FHDC1: variants seen among roughly 807,000 people sequenced by gnomAD.
FHDC1 encodes the protein FH2 domain-containing protein 1.
A neutral mutation model predicts 52.6 loss-of-function variants in FHDC1; 25 were observed. The ratio of observed to expected loss-of-function variants is 0.48; its 90% CI spans 0.35 to 0.66. The LOEUF (loss-of-function observed/expected upper bound fraction) is 0.66. Ranked by LOEUF, FHDC1 falls within the 30% of genes least tolerant of loss-of-function variation. The pLI is 0.01. For synonymous variants in FHDC1, 616 were observed against 581.5 expected (o/e 1.06, Z -0.85); for missense variants, 1,459 against 1,452.8 (o/e 1.00, Z -0.07).
chr4:152,941,388 G>A (rs1739568554), intron 1 of FHDC1, among the ~76,000 whole-genome samples: 1 of 152,146 alleles, frequency 6.6e-6, no homozygotes, highest in South Asian at 2.1e-4. Flanking sequence ...AAAATAAAGG[G>A]AAATTATATG....
At chr4:152,944,679 G>A (rs1345357676) in intron 2 of FHDC1, among the ~76,000 whole-genome samples, 2 of 152,186 alleles carry the variant, frequency 1.3e-5, no homozygotes, top group African/African-American at 2.4e-5. Context: ...CCAAGAGTCT[G>A]TTTTTTATGA....
the FHDC1 span, among the ~76,000 whole-genome samples, chr4:152,915,019 ATTAT>A: frequency 3.9e-5 from 6 of 152,172 alleles, no homozygotes; most frequent in Non-Finnish European, 7.4e-5. Flanking sequence ...CTCAAGATAA[ATTAT>A]TTATATATGC....
At chr4:152,931,497 CACACACACACG>C (rs2149929059), upstream of FHDC1, among the ~76,000 whole-genome samples, 1 of 116,974 alleles carries the variant, frequency 8.5e-6, no homozygotes, top group South Asian at 2.8e-4. Context: ...CACACACACA[CACACACACACG>C]AAAAACAAAT....
intron 1 of FHDC1, among the ~76,000 whole-genome samples, chr4:152,942,601 G>A (rs1364767275): frequency 1.3e-5 from 2 of 152,178 alleles, no homozygotes; most frequent in Non-Finnish European, 2.9e-5. Context: ...CAAAGAGAAC[G>A]AACTAGTTAG....
chr4:152,917,834 T>C, the FHDC1 span, among the ~76,000 whole-genome samples: 1 of 152,240 alleles, frequency 6.6e-6, no homozygotes, highest in Non-Finnish European at 1.5e-5. Flanking sequence ...TTCTTTTTTC[T>C]CAAAATTTTG....
At chr4:152,913,739 C>T in the FHDC1 span, among the ~76,000 whole-genome samples, 9 of 152,164 alleles carry the variant, frequency 5.9e-5, no homozygotes, top group East Asian at 1.9e-4. Context: ...GGTGCAATGG[C>T]GCGATCTTGG....
chr4:152,927,941 A>G, the FHDC1 span: 23 of 1,457,244 alleles, frequency 1.6e-5, no homozygotes, highest in Non-Finnish European at 2.2e-5. Context: ...AGAGAGTGAC[A>G]ACAGTGTGAA....
At chr4:152,937,686 G>A (rs1579077153) in intron 1 of FHDC1, among the ~76,000 whole-genome samples, 1 of 151,962 alleles carries the variant, frequency 6.6e-6, no homozygotes, top group East Asian at 1.9e-4. Context: ...GAGCTGGCGC[G>A]GCGCGTGTGG....
In FHDC1 at chr4:152,978,615, G is replaced by A. The variant is rs936744387; in HGVS notation, c.*1892G>A. The stretch of plus-strand genomic sequence containing the variant: ...ACTCCTCTGAGACTAATTGGGAAAC[G>A]GGGAAATTCTTGGAATTTTTTTTTT... On this transcript the variant is annotated 3_prime_UTR_variant, in exon 12 of 12. Transcript: ENST00000511601. 3 of 152,076 alleles carry A rather than the reference G, an allele frequency of 2.0e-5. No individual in the cohort carries two copies. Among genetic ancestry groups the A allele is most frequent in the Admixed American group, 6.5e-5 (1 of 15,272 alleles). 9.4% of individuals were successfully genotyped at this position (152,076 alleles called of 1,614,324 possible).
At position 152,976,327 on chromosome 4, in the gene FHDC1, T is replaced by C; in HGVS notation, c.3036T>C (p.Ser1012=). 1 of 1,612,366 alleles carries C rather than the reference T, an allele frequency of 6.2e-7. No homozygotes were observed. The highest frequency in any genetic ancestry group is 8.5e-7 in the Non-Finnish European group (1 of 1,179,654). The change falls in exon 12 of 12, where the codon AGT becomes AGC. Residue 1012 remains serine (S), a synonymous_variant. Transcript: ENST00000511601. ...GCGCCCACTCCGAGGGCCCTGAGAG[T>C]CCCAAAGAAGAGCCCAAGACCCCGT... ...TCRAHSEGPE[S]PKEEPKTPSV...
upstream of FHDC1, among the ~76,000 whole-genome samples, chr4:152,935,025 C>G (rs1477483680): frequency 2.0e-5 from 3 of 152,172 alleles, no homozygotes; most frequent in Non-Finnish European, 4.4e-5. Flanking sequence ...CTGAGCATGA[C>G]ATTGTCTTTC....
the FHDC1 span, among the ~76,000 whole-genome samples, chr4:152,917,731 T>A: frequency 6.6e-6 from 1 of 152,262 alleles, no homozygotes; most frequent in Non-Finnish European, 1.5e-5. Context: ...GCTGAATGAC[T>A]GGTCAGCTTG....
rs1739621028 is a variant in FHDC1 at position 152,943,140 on chromosome 4, A to G, written c.83A>G (p.Gln28Arg). 1 of 1,613,988 alleles carries G rather than the reference A, an allele frequency of 6.2e-7. No homozygotes were observed. Among genetic ancestry groups the G allele is most frequent in the Non-Finnish European group, 8.5e-7 (1 of 1,180,008 alleles). Reference protein sequence around the residue: ...IATAPGFMIGQTPPPAPPPPP... With the variant: ...IATAPGFMIGRTPPPAPPPPP... ...ACAGCACCTGGATTCATGATTGGGC[A>G]GACACCTCCTCCAGCACCTCCTCCA... The change falls in exon 2 of 12, where the codon CAG (glutamine) becomes CGG (arginine). Residue 28 changes from glutamine (Q) to arginine (R), a missense_variant. Around this residue, in one of 3 missense-constraint regions of FHDC1, gnomAD observed 513 missense variants for 581.5 expected, o/e 0.88. Transcript: ENST00000511601.
At chr4:152,945,015 A>G (rs957629959) in intron 2 of FHDC1, among the ~76,000 whole-genome samples, 3 of 152,218 alleles carry the variant, frequency 2.0e-5, no homozygotes, top group Admixed American at 6.5e-5. Flanking sequence ...ACCCATGTGG[A>G]AATGAGGCCT....
intron 7 of FHDC1, 46 bp from the exon 8 acceptor site, chr4:152,962,977 G>GTGTGTGTGTGTA: frequency 1.3e-6 from 2 of 1,504,370 alleles, no homozygotes; most frequent in Non-Finnish European, 1.8e-6. Context: ...GTGTGTGTGT[G>GTGTGTGTGTGTA]TGTGTATGTA....
At chr4:152,914,239 A>G in the FHDC1 span, among the ~76,000 whole-genome samples, 1 of 152,176 alleles carries the variant, frequency 6.6e-6, no homozygotes, top group Non-Finnish European at 1.5e-5. Flanking sequence ...ATTCAGTTCT[A>G]TGTTCCCACT....
chr4:152,913,241 A>G, the FHDC1 span, among the ~76,000 whole-genome samples: 4 of 152,354 alleles, frequency 2.6e-5, no homozygotes, highest in South Asian at 8.3e-4. Flanking sequence ...TCTCCCCGCA[A>G]ATGGCTTCAT....
upstream of FHDC1, among the ~76,000 whole-genome samples, chr4:152,936,108 T>C (rs1739362614): frequency 6.6e-6 from 1 of 151,140 alleles, no homozygotes; most frequent in Non-Finnish European, 1.5e-5. Context: ...CCCCGAGGCG[T>C]CTCCCCCGGG....
At chr4:152,961,878 G>C (rs1740291460) in intron 6 of FHDC1, among the ~76,000 whole-genome samples, 2 of 152,142 alleles carry the variant, frequency 1.3e-5, no homozygotes, top group Non-Finnish European at 2.9e-5. Flanking sequence ...TGGAAGGTTT[G>C]TTCTGGAAGA....
Sources: allele counts gnomAD v4.1 joint callset (sites outside exome capture counted in the v4.1 genomes callset), GRCh38; gene constraint gnomAD v4.1.1; regional missense constraint gnomAD v4.1.1; transcripts MANE v1.5; gene names NCBI Gene and HGNC (gene_info 2026-07-23, HGNC 2026-07-21).